Variants in BRINP2 observed in about 807,000 individuals in gnomAD.
BRINP2 encodes BMP/retinoic acid inducible neural specific 2.
A neutral mutation model predicts 69.2 loss-of-function variants in BRINP2; 21 were observed. That is an observed-to-expected ratio of 0.30 (90% CI 0.22 to 0.44). The LOEUF is 0.44. Ranked by LOEUF, BRINP2 falls within the 20% of genes least tolerant of loss-of-function variation. The pLI, the probability that BRINP2 is intolerant of heterozygous loss-of-function variation, is 1.00. For missense variants in BRINP2, 877 were observed against 986.0 expected (o/e 0.89, Z 1.48); for synonymous variants, 380 against 394.1 (o/e 0.96, Z 0.42).
Position 177,229,834 on chromosome 1 carries a change from G to A in BRINP2, c.-43G>A, listed in dbSNP as rs748749541. The A allele has an allele frequency of 6.5e-7, 1 of 1,542,042 alleles. No individual in the cohort carries two copies. The highest frequency in any genetic ancestry group is 8.8e-7 in the Non-Finnish European group (1 of 1,139,978). On this transcript the variant is annotated 5_prime_UTR_variant, in exon 2 of 8. Coordinates refer to ENST00000361539, the MANE Select transcript of BRINP2 (RefSeq NM_021165.4). ...CCTGGAGGAGCAGCACGGAGCGGGA[G>A]AGCGTGGCGAGAGAATGAAGAAACC...
chr1:177,175,289 G>GT (rs1362649386), intron 1 of BRINP2, among the ~76,000 whole-genome samples: 9 of 143,916 alleles, frequency 6.3e-5, no homozygotes, highest in East Asian at 2.1e-4. Context: ...GAAAAGCGGG[G>GT]TGGGGGGGGC....
chr1:177,278,441 T>C (rs1018351897), intron 6 of BRINP2, 122 bp from the exon 7 acceptor site: 1 of 832,920 alleles, frequency 1.2e-6, no homozygotes, highest in Non-Finnish European at 2.0e-6. Context: ...GGGAAATGGG[T>C]GTGCAGCCTC....
At chr1:177,222,717 A>AAAAAGG (rs1362154990) in intron 1 of BRINP2, among the ~76,000 whole-genome samples, 8 of 152,036 alleles carry the variant, frequency 5.3e-5, no homozygotes, top group African/African-American at 1.2e-4. Context: ...AAAGAAAAAG[A>AAAAAGG]AAAAAACAAA....
chr1:177,236,415 C>A (rs1650023819), intron 2 of BRINP2, among the ~76,000 whole-genome samples: 2 of 152,160 alleles, frequency 1.3e-5, no homozygotes, highest in African/African-American at 4.8e-5. Flanking sequence ...ATTCTGCTGT[C>A]TTGGAGCAAG....
intron 4 of BRINP2, among the ~76,000 whole-genome samples, chr1:177,268,141 C>G (rs1651186228): frequency 6.6e-6 from 1 of 152,174 alleles, no homozygotes; most frequent in Admixed American, 6.5e-5. Context: ...TGTTGGCATC[C>G]CACCCCACAG....
chr1:177,273,602 C>A lies in BRINP2; in HGVS notation c.775+9C>A, dbSNP rs1214944729. 5.2e-6 allele frequency: 8 copies of A among 1,534,476 alleles called. 1 individual carries two copies. In the Admixed American group the frequency reaches 1.3e-4, roughly 26 times the overall value. The stretch of plus-strand genomic sequence containing the variant: ...CAAAGTACAGTTACTTGGTAAGCAG[C>A]ACTATGATGGTTTTCATACCTTTCA... On this transcript the variant is annotated intron_variant, in intron 5 of 7. Coordinates refer to ENST00000361539, the MANE Select transcript of BRINP2 (RefSeq NM_021165.4).
At chr1:177,266,776 A>G (rs1421185650) in intron 4 of BRINP2, among the ~76,000 whole-genome samples, 3 of 151,612 alleles carry the variant, frequency 2.0e-5, no homozygotes, top group Non-Finnish European at 4.4e-5. Context: ...AAAAAAAAAA[A>G]AAAAGAAAGA....
At position 177,276,180 on chromosome 1, in the gene BRINP2, G is replaced by A. The variant is rs773899029; in HGVS notation, c.776-18G>A. ...CACTGGTTCTTCCCAGAGATTCCTTGACACATCCTTTCCCCAGGCCTTCAG... is the reference window on the plus strand; with the variant it reads ...CACTGGTTCTTCCCAGAGATTCCTTAACACATCCTTTCCCCAGGCCTTCAG... On this transcript the variant is annotated intron_variant, in intron 5 of 7. Coordinates refer to ENST00000361539, the MANE Select transcript of BRINP2 (RefSeq NM_021165.4). 55 of 1,604,570 alleles carry A rather than the reference G, an allele frequency of 3.4e-5. No homozygotes were observed. In the East Asian group the frequency reaches 1.1e-3, roughly 33 times the overall value.
At chr1:177,178,371 A>G (rs1049269334) in intron 1 of BRINP2, among the ~76,000 whole-genome samples, 2 of 152,170 alleles carry the variant, frequency 1.3e-5, no homozygotes, top group African/African-American at 2.4e-5. Flanking sequence ...AGCTGGTCCA[A>G]TAACCTCTCT....
intron 1 of BRINP2, among the ~76,000 whole-genome samples, chr1:177,218,204 T>C (rs973051794): frequency 1.3e-5 from 2 of 151,370 alleles, no homozygotes; most frequent in Admixed American, 6.6e-5. Flanking sequence ...GAGTGTAGAT[T>C]AAGCTCCTGA....
intron 2 of BRINP2, among the ~76,000 whole-genome samples, chr1:177,251,639 C>G (rs147048159): frequency 6.6e-6 from 1 of 152,226 alleles, no homozygotes; most frequent in East Asian, 1.9e-4. Flanking sequence ...TGTTCTGGTT[C>G]TATTATCAAC....
chr1:177,257,947 G>A (rs1213021160), intron 4 of BRINP2, among the ~76,000 whole-genome samples: 1 of 152,216 alleles, frequency 6.6e-6, no homozygotes, highest in Non-Finnish European at 1.5e-5. Flanking sequence ...TTGGGGCACA[G>A]AGAAGACTGC....
At chr1:177,213,335 G>A (rs2102312424) in intron 1 of BRINP2, among the ~76,000 whole-genome samples, 2 of 152,206 alleles carry the variant, frequency 1.3e-5, no homozygotes, top group South Asian at 4.1e-4. Flanking sequence ...TACCTCACTA[G>A]TTGGAGCACC....
In BRINP2 at chr1:177,281,695, C is replaced by A; in HGVS notation, c.*167C>A. 1 of 842,308 alleles carries A rather than the reference C, an allele frequency of 1.2e-6. No individual in the cohort carries two copies. Among genetic ancestry groups the A allele is most frequent in the Non-Finnish European group, 1.8e-6 (1 of 553,052 alleles). The allele number at this position is 842,308 out of a possible 1,614,324, so 52.2% of individuals were successfully genotyped here. A position where few individuals can be genotyped will look rare whatever the true frequency, so the allele number is the denominator to read the frequency against. On this transcript the variant is annotated 3_prime_UTR_variant, in exon 8 of 8. Transcript: ENST00000361539. Reference sequence around the variant, plus strand: ...GCTGAAGCAGGCGAGAGAGAAACAGCTACTGCGTGCGTGCGCGCACGCATA... The same window carrying A: ...GCTGAAGCAGGCGAGAGAGAAACAGATACTGCGTGCGTGCGCGCACGCATA...
At chr1:177,207,778 A>C (rs1030882464) in intron 1 of BRINP2, among the ~76,000 whole-genome samples, 8 of 152,158 alleles carry the variant, frequency 5.3e-5, no homozygotes, top group African/African-American at 2.4e-5. Flanking sequence ...CCCTCAAAAA[A>C]GGCTGGTTCC....
chr1:177,273,673 A>T, intron 5 of BRINP2, 80 bp downstream of exon 5: 1 of 859,226 alleles, frequency 1.2e-6, no homozygotes, highest in South Asian at 2.2e-5. Context: ...AGCGGGAAAA[A>T]ATTCTGCCTG....
At chr1:177,235,918 G>T (rs1473283660) in intron 2 of BRINP2, among the ~76,000 whole-genome samples, 3 of 152,196 alleles carry the variant, frequency 2.0e-5, no homozygotes, top group Non-Finnish European at 4.4e-5. Context: ...TAAAATGGTT[G>T]ATCTCTGAAC....
chr1:177,204,938 G>A (rs4652233), intron 1 of BRINP2, among the ~76,000 whole-genome samples: 87,285 of 152,000 alleles, frequency 0.57, 26,665 homozygotes, highest in African/African-American at 0.79. Flanking sequence ...ACCACTAAGT[G>A]TTCTTGTATG....
At chr1:177,231,952 C>T (rs1649871634) in intron 2 of BRINP2, among the ~76,000 whole-genome samples, 1 of 152,158 alleles carries the variant, frequency 6.6e-6, no homozygotes, top group Non-Finnish European at 1.5e-5. Flanking sequence ...TCAGGGTGAC[C>T]TTCCCTTTAT....
Sources: gnomAD v4.1 joint callset for allele counts (sites outside exome capture counted in the v4.1 genomes callset) on GRCh38, gnomAD v4.1.1 for gene constraint, MANE v1.5 for transcripts, NCBI Gene and HGNC (gene_info 2026-07-23, HGNC 2026-07-21) for gene names.